OPCML: variants seen among roughly 807,000 people sequenced by gnomAD.
OPCML encodes the protein opioid binding protein/cell adhesion molecule like, also known as opioid-binding protein/cell adhesion molecule.
A neutral mutation model predicts 37.8 loss-of-function variants in OPCML; 13 were observed. That is an observed-to-expected ratio of 0.34 (90% confidence interval 0.22 to 0.55). OPCML has a LOEUF of 0.55. OPCML is among the 20% of genes least tolerant of loss of function. The pLI, the probability that OPCML is intolerant of heterozygous loss-of-function variation, is 0.91. For synonymous variants in OPCML, 176 were observed against 168.8 expected, an observed-to-expected ratio of 1.04 and a Z score of -0.33; for missense variants, 341 against 435.6, an observed-to-expected ratio of 0.78 and a Z score of 1.93.
intron 1 of OPCML, among the ~76,000 whole-genome samples, chr11:133,518,435 G>T (rs1312074994): frequency 6.6e-6 from 1 of 152,014 alleles, no homozygotes; most frequent in African/African-American, 2.4e-5. Context: ...TTGTGTGTAA[G>T]TGTGGGCAGG....
At chr11:133,271,186 G>T (rs534136843) in intron 1 of OPCML, among the ~76,000 whole-genome samples, 4 of 152,244 alleles carry the variant, frequency 2.6e-5, no homozygotes, top group Admixed American at 1.3e-4. Context: ...GGGTGATAAT[G>T]CCTACCTCAA....
chr11:133,366,847 C>A (rs1439421463), intron 1 of OPCML, among the ~76,000 whole-genome samples: 1 of 152,196 alleles, frequency 6.6e-6, no homozygotes, highest in Admixed American at 6.5e-5. Flanking sequence ...CCCAGCCACA[C>A]TTTGATGCCT....
At chr11:133,092,143 T>A (rs542353994) in intron 1 of OPCML, among the ~76,000 whole-genome samples, 1 of 152,248 alleles carries the variant, frequency 6.6e-6, no homozygotes, top group South Asian at 2.1e-4. Flanking sequence ...ACAGCATCCA[T>A]CCCTCTGGAG....
intron 3 of OPCML, among the ~76,000 whole-genome samples, chr11:132,561,788 A>G (rs2096411274): frequency 6.6e-6 from 1 of 152,248 alleles, no homozygotes; most frequent in Admixed American, 6.5e-5. Flanking sequence ...ACGATGGCAC[A>G]GGAGAACAGG....
At chr11:132,917,170 A>G (rs1944634900) in intron 2 of OPCML, among the ~76,000 whole-genome samples, 1 of 152,186 alleles carries the variant, frequency 6.6e-6, no homozygotes, top group South Asian at 2.1e-4. Flanking sequence ...ATTGATTATT[A>G]AGACACCGTA....
intron 1 of OPCML, among the ~76,000 whole-genome samples, chr11:133,444,548 A>G (rs958739402): frequency 6.6e-6 from 1 of 152,210 alleles, no homozygotes. Flanking sequence ...CAGAACAAAA[A>G]AATAATTTCT....
chr11:132,646,758 T>C (rs1237361248), intron 3 of OPCML, among the ~76,000 whole-genome samples: 1 of 152,122 alleles, frequency 6.6e-6, no homozygotes, highest in African/African-American at 2.4e-5. Context: ...GGAACAGGTT[T>C]TGGAGAAAAG....
intron 4 of OPCML, among the ~76,000 whole-genome samples, chr11:132,515,745 TG>T (rs967704181): frequency 1.3e-5 from 2 of 152,154 alleles, no homozygotes; most frequent in African/African-American, 2.4e-5. Flanking sequence ...ACCTTTAAAC[TG>T]GGGAGGAATG....
intron 1 of OPCML, among the ~76,000 whole-genome samples, chr11:133,143,893 A>G (rs1377667887): frequency 6.6e-6 from 1 of 152,218 alleles, no homozygotes; most frequent in African/African-American, 2.4e-5. Flanking sequence ...TCTTTCTAAG[A>G]GGCAGGAAGA....
At chr11:132,546,426 A>G (rs929452508) in intron 3 of OPCML, among the ~76,000 whole-genome samples, 20 of 152,054 alleles carry the variant, frequency 1.3e-4, no homozygotes, top group African/African-American at 4.6e-4. Context: ...TTTCTCCTTC[A>G]CCCTTCTCCC....
At chr11:132,711,989 T>C (rs1944281461) in intron 2 of OPCML, among the ~76,000 whole-genome samples, 1 of 152,210 alleles carries the variant, frequency 6.6e-6, no homozygotes, top group African/African-American at 2.4e-5. Flanking sequence ...GCTCTCACAA[T>C]TGGCAGAGCC....
intron 3 of OPCML, among the ~76,000 whole-genome samples, chr11:132,532,711 C>G (rs2096329229): frequency 6.6e-6 from 1 of 152,176 alleles, no homozygotes; most frequent in African/African-American, 2.4e-5. Flanking sequence ...CCTCCCAGTA[C>G]CTGCCATGAG....
At chr11:132,586,711 C>G (rs551723729) in intron 3 of OPCML, among the ~76,000 whole-genome samples, 1 of 152,122 alleles carries the variant, frequency 6.6e-6, no homozygotes, top group Non-Finnish European at 1.5e-5. Flanking sequence ...CTCAATAGAA[C>G]AGATGAACAA....
chr11:133,373,674 T>G (rs1017693898), intron 1 of OPCML, among the ~76,000 whole-genome samples: 2 of 151,064 alleles, frequency 1.3e-5, no homozygotes, highest in African/African-American at 4.9e-5. Context: ...AGAAAATAAA[T>G]TAAGTGACAT....
At chr11:132,916,706 T>A (rs1944617447) in intron 2 of OPCML, among the ~76,000 whole-genome samples, 1 of 152,086 alleles carries the variant, frequency 6.6e-6, no homozygotes, top group Non-Finnish European at 1.5e-5. Context: ...AGTGTTTAAG[T>A]AAAGAGAATG....
At chr11:133,095,279 T>G (rs1948982201) in intron 1 of OPCML, among the ~76,000 whole-genome samples, 5 of 75,904 alleles carry the variant, frequency 6.6e-5, no homozygotes, top group Non-Finnish European at 1.6e-4. Flanking sequence ...ATGTAAATGT[T>G]TTTTTTTTTT....
chr11:132,668,416 T>G (rs1942314030), intron 2 of OPCML, among the ~76,000 whole-genome samples: 1 of 152,218 alleles, frequency 6.6e-6, no homozygotes, highest in Admixed American at 6.5e-5. Context: ...GATAAGCATT[T>G]TGTTTAACCT....
In OPCML at chr11:133,166,913, AAG is replaced by A. The variant is rs1426212105; in HGVS notation, c.62-223905_62-223904del. Reference sequence around the variant, plus strand: ...CTTGCATGGCTTGCACGCTATCTAGAAGAAAAGTGTGTGATTAATGGCAAATA... The same window carrying A: ...CTTGCATGGCTTGCACGCTATCTAGAAAAAGTGTGTGATTAATGGCAAATA... On this transcript the variant is annotated intron_variant, in intron 1 of 7. Coordinates refer to ENST00000524381, the MANE Select transcript of OPCML (RefSeq NM_001012393.5). Among the ~76,000 whole-genome samples the A allele has an allele frequency of 4.6e-5, 7 of 152,210 alleles. No homozygotes were observed. The South Asian group carries it at 1.2e-3, about 27-fold the overall frequency.
At chr11:133,243,116 A>C (rs1477269728) in intron 1 of OPCML, among the ~76,000 whole-genome samples, 4 of 152,206 alleles carry the variant, frequency 2.6e-5, no homozygotes, top group South Asian at 2.1e-4. Flanking sequence ...GAAACTCCAG[A>C]ATCTACTGAA....
Sources: gnomAD v4.1 joint callset for allele counts (sites outside exome capture counted in the v4.1 genomes callset) on GRCh38, gnomAD v4.1.1 for gene constraint, MANE v1.5 for transcripts, NCBI Gene and HGNC (gene_info 2026-07-23, HGNC 2026-07-21) for gene names.